The following CNTNAP5 variants were observed in gnomAD, a reference collection of about 807,000 sequenced individuals.
The protein encoded by CNTNAP5 is contactin-associated protein-like 5.
CNTNAP5 carries 72 observed loss-of-function variants against 150.2 expected under a neutral mutation model. That is an observed-to-expected ratio of 0.48 (90% CI 0.40 to 0.58). CNTNAP5 has a LOEUF of 0.58. Ranked by LOEUF, CNTNAP5 falls within the 20% of genes least tolerant of loss-of-function variation. The pLI is 0.00. For synonymous variants in CNTNAP5, 672 were observed against 619.8 expected (o/e 1.08, Z -1.25); for missense variants, 1,636 against 1,626.2 (o/e 1.01, Z -0.10).
At chr2:124,824,571 C>T (rs1012559630) in intron 19 of CNTNAP5, among the ~76,000 whole-genome samples, 2 of 151,972 alleles carry the variant, frequency 1.3e-5, no homozygotes, top group African/African-American at 4.8e-5. Context: ...TGAAGGTTAG[C>T]ATGAAAAAAA....
intron 21 of CNTNAP5, among the ~76,000 whole-genome samples, chr2:124,900,779 A>G (rs115344630): frequency 0.036 from 5,418 of 151,618 alleles, 177 homozygotes; most frequent in Non-Finnish European, 0.052. Flanking sequence ...CTGAAATCCT[A>G]CAATGCAAAA....
intron 1 of CNTNAP5, among the ~76,000 whole-genome samples, chr2:124,146,107 A>T (rs1684247285): frequency 1.3e-5 from 2 of 152,126 alleles, no homozygotes; most frequent in Admixed American, 1.3e-4. Flanking sequence ...AGAGAAAGGG[A>T]GATGGAGGCA....
At chr2:124,396,332 T>C (rs1372419229) in intron 3 of CNTNAP5, among the ~76,000 whole-genome samples, 1 of 152,162 alleles carries the variant, frequency 6.6e-6, no homozygotes. Context: ...CCAGCGTTAA[T>C]TCCCTGCATT....
chr2:124,189,483 T>A (rs1221595890), intron 1 of CNTNAP5, among the ~76,000 whole-genome samples: 1 of 152,162 alleles, frequency 6.6e-6, no homozygotes, highest in East Asian at 1.9e-4. Context: ...TGAGCCTCAG[T>A]TGCCGCAACT....
chr2:124,123,993 C>A (rs1016788832), intron 1 of CNTNAP5, among the ~76,000 whole-genome samples: 8 of 152,120 alleles, frequency 5.3e-5, no homozygotes, highest in Non-Finnish European at 7.4e-5. Flanking sequence ...AAAATCAGAG[C>A]ACCTCTCCTC....
intron 10 of CNTNAP5, among the ~76,000 whole-genome samples, chr2:124,532,359 G>A (rs1380760057): frequency 6.6e-6 from 1 of 152,128 alleles, no homozygotes; most frequent in Non-Finnish European, 1.5e-5. Context: ...GCAATGTCTA[G>A]CAGGGTCTGA....
At chr2:124,521,459 C>T (rs548777931) in intron 8 of CNTNAP5, among the ~76,000 whole-genome samples, 91 of 152,272 alleles carry the variant, frequency 6.0e-4, no homozygotes, top group Middle Eastern at 3.4e-3. Flanking sequence ...ACATAGATGG[C>T]GATGTGGGGA....
At chr2:124,711,440 C>T (rs940066684) in intron 13 of CNTNAP5, among the ~76,000 whole-genome samples, 18 of 152,092 alleles carry the variant, frequency 1.2e-4, no homozygotes, top group African/African-American at 4.3e-4. Flanking sequence ...AAATGATTTC[C>T]TTCTCCCTGT....
At chr2:124,445,886 A>G (rs1056359714) in intron 5 of CNTNAP5, among the ~76,000 whole-genome samples, 2 of 152,114 alleles carry the variant, frequency 1.3e-5, no homozygotes, top group Non-Finnish European at 2.9e-5. Flanking sequence ...TCCTCAGGGG[A>G]AGATATAAGC....
chr2:124,476,183 C>T (rs1414502704), intron 7 of CNTNAP5, among the ~76,000 whole-genome samples: 1 of 151,984 alleles, frequency 6.6e-6, no homozygotes, highest in Non-Finnish European at 1.5e-5. Flanking sequence ...TTACAATTGT[C>T]TTAATTAGGC....
chr2:124,669,241 A>C (rs1403720569), intron 13 of CNTNAP5, among the ~76,000 whole-genome samples: 4 of 152,230 alleles, frequency 2.6e-5, no homozygotes, highest in Non-Finnish European at 2.9e-5. Flanking sequence ...AGTTTTGAGC[A>C]AACAAGTTAT....
intron 21 of CNTNAP5, among the ~76,000 whole-genome samples, chr2:124,884,033 G>A (rs115250280): frequency 0.014 from 2,147 of 152,136 alleles, 64 homozygotes; most frequent in African/African-American, 0.048. Flanking sequence ...GTATGCATGT[G>A]TGCATGCATG....
intron 3 of CNTNAP5, among the ~76,000 whole-genome samples, chr2:124,332,239 A>G (rs1689365630): frequency 6.6e-6 from 1 of 151,486 alleles, no homozygotes. Flanking sequence ...TTTTTCTTTA[A>G]CAAAAATACA....
intron 13 of CNTNAP5, among the ~76,000 whole-genome samples, chr2:124,677,074 C>T (rs751301630): frequency 2.0e-5 from 3 of 152,120 alleles, no homozygotes; most frequent in Admixed American, 6.6e-5. Context: ...TGCAGACCCT[C>T]GTGGTGAGTG....
At chr2:124,848,772 T>G (rs1453928520) in intron 19 of CNTNAP5, among the ~76,000 whole-genome samples, 1 of 152,214 alleles carries the variant, frequency 6.6e-6, no homozygotes, top group Non-Finnish European at 1.5e-5. Flanking sequence ...CACCATTTTG[T>G]AGATCTGTTG....
At chr2:124,885,570 C>T (rs1003106359) in intron 21 of CNTNAP5, among the ~76,000 whole-genome samples, 1 of 151,534 alleles carries the variant, frequency 6.6e-6, no homozygotes, top group African/African-American at 2.4e-5. Flanking sequence ...CACACACACA[C>T]ACACACACAC....
At chr2:124,837,234 C>T (rs1682849491) in intron 19 of CNTNAP5, among the ~76,000 whole-genome samples, 2 of 150,682 alleles carry the variant, frequency 1.3e-5, no homozygotes, top group Admixed American at 1.3e-4. Flanking sequence ...CCTCAAAACA[C>T]TCAGGGAAAA....
intron 21 of CNTNAP5, among the ~76,000 whole-genome samples, chr2:124,890,077 A>G (rs1012212524): frequency 6.6e-6 from 1 of 152,012 alleles, no homozygotes; most frequent in African/African-American, 2.4e-5. Context: ...TAGATTTATT[A>G]TTTTTATCCT....
chr2:124,367,085 A>G (rs372551844), intron 3 of CNTNAP5, among the ~76,000 whole-genome samples: 2 of 152,352 alleles, frequency 1.3e-5, no homozygotes, highest in South Asian at 2.1e-4. Flanking sequence ...AAAGGTAACT[A>G]TAAGTTCAGA....
Sources: gnomAD v4.1 joint callset for allele counts (sites outside exome capture counted in the v4.1 genomes callset) on GRCh38, gnomAD v4.1.1 for gene constraint, MANE v1.5 for transcripts, NCBI Gene and HGNC (gene_info 2026-07-23, HGNC 2026-07-21) for gene names.